Variants in INO80D observed in about 807,000 individuals in gnomAD.
INO80D encodes INO80 complex subunit D.
In INO80D, 21 loss-of-function variants were observed where a neutral mutation model predicts 87.6. That is an observed-to-expected ratio of 0.24 (90% confidence interval 0.17 to 0.35). The LOEUF is 0.35. Among genes scored for constraint, INO80D ranks in the 10% least tolerant of loss-of-function variants. The pLI is 1.00. For missense variants in INO80D, 982 were observed against 1,280.7 expected (o/e 0.77, Z 3.56); for synonymous variants, 440 against 491.0 (o/e 0.90, Z 1.37).
At position 205,997,177 on chromosome 2, in the gene INO80D, C is replaced by T. The variant is rs1458205925; in HGVS notation, c.*7191G>A. 1 of 151,864 alleles carries T rather than the reference C, an allele frequency of 6.6e-6. No individual in the cohort carries two copies. The highest frequency in any genetic ancestry group is 1.5e-5 in the Non-Finnish European group (1 of 67,940). 9.4% of individuals were successfully genotyped at this position (151,864 alleles called of 1,614,324 possible). ...CTCTACTTTTGACTATTTCAGACCA[C>T]CAGATACTCCAGTAATAAATGTATA... On this transcript the variant is annotated 3_prime_UTR_variant, in exon 11 of 11. Transcript: ENST00000403263.
In INO80D at chr2:206,056,575, G is replaced by C; in HGVS notation, c.587C>G (p.Pro196Arg). The change falls in exon 4 of 11, where the codon CCC (proline) becomes CGC (arginine). Residue 196 changes from proline to arginine, a missense_variant. Pro to Arg is a moderately radical substitution (Grantham distance 103). Transcript: ENST00000403263. ...ILKVRQEHFS[P>R]PPAPSQQQPP... ...CTGCTGCTGTGAAGGTGCAGGAGGG[G>C]GACTAAAGTGCTCTTGTCGAACTTT... 2 of 1,611,974 alleles carry C rather than the reference G, an allele frequency of 1.2e-6. No individual in the cohort carries two copies. The highest frequency in any genetic ancestry group is 1.7e-6 in the Non-Finnish European group (2 of 1,179,020).
chr2:206,006,029 G>C (rs374197317), intron 10 of INO80D, among the ~76,000 whole-genome samples: 83 of 152,216 alleles, frequency 5.5e-4, no homozygotes, highest in African/African-American at 1.9e-3. Flanking sequence ...ACATCTATTT[G>C]AGCACAACAC....
At position 206,062,908 on chromosome 2, in the gene INO80D, T is replaced by C. The variant is rs1413684496; in HGVS notation, c.109A>G (p.Ile37Val). 3 of 1,613,334 alleles carry C rather than the reference T, an allele frequency of 1.9e-6. No individual in the cohort carries two copies. Among genetic ancestry groups the C allele is most frequent in the Admixed American group, 1.7e-5 (1 of 59,744 alleles). ...QRRLNGYAFCIRHVLEDKTAP... is the reference protein window; with the variant it reads ...QRRLNGYAFCVRHVLEDKTAP... Reference sequence around the variant, plus strand: ...GTCTTGTCCTCCAGAACGTGTCTGATACAGAAGGCGTAGCCGTTGAGTCGC... The same window carrying C: ...GTCTTGTCCTCCAGAACGTGTCTGACACAGAAGGCGTAGCCGTTGAGTCGC... Residue 37 changes from isoleucine (I) to valine (V), a missense_variant, in exon 3 of 11, where the codon ATC becomes GTC. Ile to Val is a conservative substitution (Grantham distance 29). Coordinates refer to ENST00000403263, the MANE Select transcript of INO80D (RefSeq NM_017759.5). This position sits in a 1 kb window ranked among gnomAD's most constrained non-coding sequence, Gnocchi z 4.6.
At chr2:206,058,280 G>A (rs905021180) in intron 3 of INO80D, among the ~76,000 whole-genome samples, 1 of 151,828 alleles carries the variant, frequency 6.6e-6, no homozygotes, top group East Asian at 1.9e-4. Flanking sequence ...TTAGCCGGGC[G>A]TGGTGGCAGG....
chr2:206,026,676 T>TTA (rs905076891), intron 6 of INO80D, among the ~76,000 whole-genome samples: 2 of 149,504 alleles, frequency 1.3e-5, no homozygotes, highest in African/African-American at 4.9e-5. Flanking sequence ...TATTTTATAT[T>TTA]TATATATATA....
chr2:206,077,349 AAAAC>A (rs1559466916), intron 1 of INO80D, among the ~76,000 whole-genome samples: 1 of 152,136 alleles, frequency 6.6e-6, no homozygotes, highest in African/African-American at 2.4e-5. Context: ...CAAAAAAAAA[AAAAC>A]AAACTACCAT....
intron 5 of INO80D, among the ~76,000 whole-genome samples, chr2:206,029,113 C>T (rs887983418): frequency 2.6e-5 from 4 of 152,216 alleles, no homozygotes; most frequent in Admixed American, 6.5e-5. Context: ...TGGTCTCGAT[C>T]TCCTGACCTT....
intron 6 of INO80D, among the ~76,000 whole-genome samples, chr2:206,020,226 A>G (rs955778240): frequency 6.6e-6 from 1 of 152,178 alleles, no homozygotes; most frequent in African/African-American, 2.4e-5. Flanking sequence ...CTGTGTGACT[A>G]TGGGCATGTT....
chr2:206,043,520 C>T (rs997173610), intron 5 of INO80D, among the ~76,000 whole-genome samples: 5 of 151,264 alleles, frequency 3.3e-5, no homozygotes, highest in Non-Finnish European at 7.4e-5. Context: ...TGGAGTCTCG[C>T]TCTGTCATCC....
intron 5 of INO80D, among the ~76,000 whole-genome samples, chr2:206,044,956 G>A (rs1216944867): frequency 6.6e-6 from 1 of 152,116 alleles, no homozygotes; most frequent in African/African-American, 2.4e-5. Flanking sequence ...CCTGCTAATG[G>A]TAAGGTAAGG....
At chr2:206,020,764 C>G (rs1317329091) in intron 6 of INO80D, among the ~76,000 whole-genome samples, 1 of 152,028 alleles carries the variant, frequency 6.6e-6, no homozygotes, top group South Asian at 2.1e-4. Context: ...AATTTGCCAG[C>G]CCCCACTCCC....
At chr2:206,018,999 T>G (rs991960167) in intron 7 of INO80D, among the ~76,000 whole-genome samples, 5 of 152,232 alleles carry the variant, frequency 3.3e-5, no homozygotes, top group African/African-American at 1.2e-4. Flanking sequence ...ATCTATTAAG[T>G]GCCTTTGTGT....
chr2:206,055,561 T>G (rs1402100343), intron 4 of INO80D, among the ~76,000 whole-genome samples: 1 of 152,170 alleles, frequency 6.6e-6, no homozygotes, highest in African/African-American at 2.4e-5. Context: ...GGTGTTAAAC[T>G]CATAAAAGCA....
intron 6 of INO80D, 91 bp from the exon 7 acceptor site, chr2:206,019,936 T>G (rs542394565): frequency 1.2e-6 from 1 of 833,896 alleles, no homozygotes; most frequent in East Asian, 2.7e-5. Context: ...TCTGTAACAC[T>G]CTCATTATAA....
intron 6 of INO80D, among the ~76,000 whole-genome samples, chr2:206,026,382 C>G (rs1451084266): frequency 6.6e-6 from 1 of 151,670 alleles, no homozygotes; most frequent in Non-Finnish European, 1.5e-5. Flanking sequence ...CCCATCTTTA[C>G]TAAAAATACA....
intron 10 of INO80D, among the ~76,000 whole-genome samples, chr2:206,006,218 C>G (rs1304875572): frequency 6.6e-6 from 1 of 152,110 alleles, no homozygotes; most frequent in Middle Eastern, 3.2e-3. Flanking sequence ...GATTAATCAC[C>G]ATGGAAATAT....
intron 1 of INO80D, among the ~76,000 whole-genome samples, chr2:206,072,612 T>A (rs1575885312): frequency 6.6e-6 from 1 of 152,226 alleles, no homozygotes; most frequent in South Asian, 2.1e-4. Context: ...GTTACAGTAA[T>A]TGTCAAAGTT....
chr2:206,027,795 A>G (rs1688656643), intron 6 of INO80D, among the ~76,000 whole-genome samples: 1 of 152,232 alleles, frequency 6.6e-6, no homozygotes, highest in African/African-American at 2.4e-5. Context: ...TTAAAAATCT[A>G]TAAATGTTAC....
intron 8 of INO80D, among the ~76,000 whole-genome samples, chr2:206,017,201 G>A (rs1017404463): frequency 2.0e-5 from 3 of 152,104 alleles, no homozygotes; most frequent in Admixed American, 6.5e-5. Context: ...AGTACATAAG[G>A]TACCTAGGAA....
Sources: gnomAD v4.1 joint callset for allele counts (sites outside exome capture counted in the v4.1 genomes callset) on GRCh38, gnomAD v4.1.1 for gene constraint, Gnocchi (gnomAD v3.1) non-coding constraint, MANE v1.5 for transcripts, NCBI Gene and HGNC (gene_info 2026-07-23, HGNC 2026-07-21) for gene names.